The following NBEAL1 variants were observed in gnomAD, a reference collection of about 807,000 sequenced individuals.
NBEAL1 encodes neurobeachin like 1, also known as neurobeachin-like protein 1.
In NBEAL1, 273 loss-of-function variants were observed where a neutral mutation model predicts 351.3. The observed-to-expected ratio is 0.78, with a 90% CI of 0.70 to 0.86. The LOEUF is 0.86. NBEAL1 is among the 40% of genes least tolerant of loss of function. The probability of loss-of-function intolerance (pLI) is 0.00; values close to 1 mark genes in which losing one functional copy is unlikely to be tolerated. For synonymous variants in NBEAL1, 1,050 were observed against 1,086.4 expected (o/e 0.97, Z 0.66); for missense variants, 2,961 against 3,201.3 (o/e 0.92, Z 1.81).
At chr2:203,167,383 A>C (rs374640823) in intron 38 of NBEAL1, 23 bp downstream of exon 38, 1 of 1,568,500 alleles carries the variant, frequency 6.4e-7, no homozygotes, top group Admixed American at 1.9e-5. Context: ...GTTTCAGGAA[A>C]TCCCAAAATG....
intron 44 of NBEAL1, among the ~76,000 whole-genome samples, chr2:203,184,074 TAAAAAAAAA>T (rs1170251389): frequency 2.3e-5 from 2 of 87,986 alleles, no homozygotes; most frequent in Admixed American, 1.4e-4. Flanking sequence ...CGAGACTGTC[TAAAAAAAAA>T]AAAAAAAAAA....
In NBEAL1 at chr2:203,157,722, A is replaced by G. The variant is rs2063833627; in HGVS notation, c.5611A>G (p.Ser1871Gly). Residue 1871 changes from serine (S) to glycine (G), a missense_variant, in exon 36 of 56, where the codon AGT (serine) becomes GGT (glycine). Transcript: ENST00000683969. ...NLGIQHSQPS[S>G]DTLLLEVVKQ... ...AGGTATCCAACACTCACAGCCTTCC[A>G]GTGATACATTGCTTTTGGAAGTAGT... is the stretch of plus-strand genomic sequence containing the variant. 1 of 1,598,636 alleles carries G rather than the reference A, an allele frequency of 6.3e-7. No individual in the cohort carries two copies. Among genetic ancestry groups the G allele is most frequent in the Non-Finnish European group, 8.5e-7 (1 of 1,174,052 alleles).
At chr2:203,172,086 A>G (rs1355839538) in intron 40 of NBEAL1, 63 bp downstream of exon 40, 10 of 760,246 alleles carry the variant, frequency 1.3e-5, no homozygotes, top group Non-Finnish European at 1.8e-5. Context: ...TCACATAAGT[A>G]TATACATGAT....
At chr2:203,040,723 T>C in intron 2 of NBEAL1, 1 of 598,704 alleles carries the variant, frequency 1.7e-6, no homozygotes, top group South Asian at 1.4e-5. Flanking sequence ...CTCATAGTTC[T>C]TGCTCCCTTT....
In NBEAL1 at chr2:203,164,050, G is replaced by C. The variant is rs540100578; in HGVS notation, c.5715-2099G>C. On this transcript the variant is annotated intron_variant, in intron 36 of 55. Coordinates refer to ENST00000683969, the MANE Select transcript of NBEAL1 (RefSeq NM_001378026.1). The stretch of plus-strand genomic sequence containing the variant: ...TTTTGTGCATATTTTTACTCAGTCT[G>C]TTCCTCAGTTTATTTTCTTAATTGC... 2.0e-5 allele frequency among the ~76,000 whole-genome samples: 3 copies of C among 151,898 alleles called. 1 individual carries two copies. In the South Asian group the frequency reaches 6.2e-4, roughly 32 times the overall value.
chr2:203,107,363 T>G (rs2062460835), intron 12 of NBEAL1, 57 bp from the exon 13 acceptor site: 4 of 808,470 alleles, frequency 4.9e-6, no homozygotes, highest in Non-Finnish European at 7.8e-6. Context: ...TTTTTAATAT[T>G]CCAACATATT....
intron 6 of NBEAL1, among the ~76,000 whole-genome samples, chr2:203,059,816 C>G (rs995896010): frequency 2.0e-5 from 3 of 152,166 alleles, no homozygotes; most frequent in African/African-American, 7.2e-5. Context: ...CCCAATAGTT[C>G]AAGGCTTCAG....
At chr2:203,110,309 C>T (rs2062537740) in intron 15 of NBEAL1, 27 bp downstream of exon 15, 5 of 1,537,650 alleles carry the variant, frequency 3.3e-6, no homozygotes, top group Admixed American at 2.1e-5. Context: ...TCACATTTAA[C>T]TTCTAGTATG....
At chr2:203,030,367 G>A (rs1021998687) in intron 2 of NBEAL1, among the ~76,000 whole-genome samples, 1 of 152,056 alleles carries the variant, frequency 6.6e-6, no homozygotes, top group African/African-American at 2.4e-5. Context: ...CTTGTAAGTG[G>A]GTAGGAGTTA....
At chr2:203,174,148 TC>T in intron 41 of NBEAL1, among the ~76,000 whole-genome samples, 1 of 147,072 alleles carries the variant, frequency 6.8e-6, no homozygotes, top group African/African-American at 2.5e-5. Flanking sequence ...GACTGGTTCT[TC>T]CTTTTTTTTT....
chr2:203,118,867 G>A (rs1183490489), intron 18 of NBEAL1, among the ~76,000 whole-genome samples: 1 of 152,124 alleles, frequency 6.6e-6, no homozygotes, highest in Non-Finnish European at 1.5e-5. Context: ...GGGATTACAG[G>A]CATGAGCCAC....
chr2:203,030,574 A>G (rs1245557309), intron 2 of NBEAL1, among the ~76,000 whole-genome samples: 1 of 152,228 alleles, frequency 6.6e-6, no homozygotes, highest in Non-Finnish European at 1.5e-5. Context: ...AAAGCTTACA[A>G]CTTTGGCATA....
chr2:203,021,094 A>C (rs1032804329), intron 2 of NBEAL1, among the ~76,000 whole-genome samples: 1 of 151,854 alleles, frequency 6.6e-6, no homozygotes, highest in African/African-American at 2.4e-5. Context: ...GCCCAGCTAA[A>C]TTTTTGTATT....
intron 31 of NBEAL1, among the ~76,000 whole-genome samples, chr2:203,141,435 C>T (rs1181006179): frequency 7.4e-5 from 9 of 122,012 alleles, no homozygotes; most frequent in Non-Finnish European, 1.3e-4. Flanking sequence ...GGCTGGAGTA[C>T]AGTGGCACAA....
At chr2:203,025,466 G>A (rs2060842355) in intron 2 of NBEAL1, among the ~76,000 whole-genome samples, 1 of 152,096 alleles carries the variant, frequency 6.6e-6, no homozygotes, top group Non-Finnish European at 1.5e-5. Flanking sequence ...CTCTACATTT[G>A]CTACAGCTTT....
At chr2:203,141,278 A>G (rs1002436541) in intron 31 of NBEAL1, among the ~76,000 whole-genome samples, 1 of 146,178 alleles carries the variant, frequency 6.8e-6, no homozygotes. Flanking sequence ...ACAATTAAGT[A>G]TTCAGTGCCC....
At chr2:203,038,364 A>G (rs2061073361) in intron 2 of NBEAL1, among the ~76,000 whole-genome samples, 1 of 149,104 alleles carries the variant, frequency 6.7e-6, no homozygotes, top group African/African-American at 2.4e-5. Flanking sequence ...CGTCTTCACT[A>G]ACATGATATA....
intron 10 of NBEAL1, among the ~76,000 whole-genome samples, chr2:203,087,524 A>G (rs1195961855): frequency 6.6e-6 from 1 of 152,202 alleles, no homozygotes; most frequent in Non-Finnish European, 1.5e-5. Context: ...AAATCTCCAT[A>G]CCATGACTTG....
Position 203,126,595 on chromosome 2 carries a change from A to G in NBEAL1, c.3024A>G (p.Ala1008=). 16 of 1,512,550 alleles carry G rather than the reference A, an allele frequency of 1.1e-5. No homozygotes were observed. Among genetic ancestry groups the G allele is most frequent in the Non-Finnish European group, 1.4e-5 (16 of 1,130,910 alleles). The allele number at this position is 1,512,550 out of a possible 1,614,324, so 93.7% of individuals were successfully genotyped here. A position where few individuals can be genotyped will look rare whatever the true frequency, so the allele number is the denominator to read the frequency against. The part of the protein sequence containing the change: ...STLMDVNVLM[A]VQLLIEQVSL... ...TGATGGATGTTAATGTGTTGATGGC[A>G]GTTCAGTTACTAATTGAACAAGTAT... is the stretch of plus-strand genomic sequence containing the variant. Residue 1008 remains alanine, a synonymous_variant, in exon 22 of 56, where the codon GCA becomes GCG. Coordinates refer to ENST00000683969, the MANE Select transcript of NBEAL1 (RefSeq NM_001378026.1).
Sources: gnomAD v4.1 joint callset for allele counts (sites outside exome capture counted in the v4.1 genomes callset) on GRCh38, gnomAD v4.1.1 for gene constraint, MANE v1.5 for transcripts, NCBI Gene and HGNC (gene_info 2026-07-23, HGNC 2026-07-21) for gene names.